NR3C2: variants seen among roughly 807,000 people sequenced by gnomAD.
The protein encoded by NR3C2 is mineralocorticoid receptor.
A neutral mutation model predicts 86.4 loss-of-function variants in NR3C2; 15 were observed. The observed-to-expected ratio is 0.17, with a 90% CI of 0.12 to 0.27. NR3C2 has a LOEUF of 0.27. Ranked by LOEUF, NR3C2 falls within the 10% of genes least tolerant of loss-of-function variation. The pLI, the probability that NR3C2 is intolerant of heterozygous loss-of-function variation, is 1.00. For missense variants in NR3C2, 960 were observed against 1,195.6 expected (o/e 0.80, Z 2.91); for synonymous variants, 458 against 450.5 (o/e 1.02, Z -0.21).
chr4:148,319,707 T>C (rs1192247124), intron 2 of NR3C2, among the ~76,000 whole-genome samples: 1 of 151,102 alleles, frequency 6.6e-6, no homozygotes, highest in Non-Finnish European at 1.5e-5. Flanking sequence ...AGAATGCTTG[T>C]GATTTTTGTA....
At chr4:148,231,796 T>C (rs574767968) in intron 3 of NR3C2, among the ~76,000 whole-genome samples, 22 of 152,372 alleles carry the variant, frequency 1.4e-4, no homozygotes, top group African/African-American at 4.6e-4. Flanking sequence ...ACCACTGCTG[T>C]GTCAACTAAG....
At chr4:148,204,291 C>T (rs1360628766) in intron 3 of NR3C2, among the ~76,000 whole-genome samples, 1 of 152,048 alleles carries the variant, frequency 6.6e-6, no homozygotes, top group Non-Finnish European at 1.5e-5. Flanking sequence ...GGAGGAGTGA[C>T]TTACATTTCT....
intron 2 of NR3C2, among the ~76,000 whole-genome samples, chr4:148,378,896 T>A (rs913523082): frequency 2.6e-5 from 4 of 152,164 alleles, no homozygotes; most frequent in African/African-American, 9.7e-5. Context: ...TGATTTAGAA[T>A]AAAGATTACA....
chr4:148,444,548 G>A, upstream of NR3C2: 1 of 987,862 alleles, frequency 1.0e-6, no homozygotes, highest in Non-Finnish European at 1.2e-6. Flanking sequence ...ATGGTGGGGA[G>A]GCTGGGGCGG....
chr4:148,213,139 T>G (rs1384477045), intron 3 of NR3C2, among the ~76,000 whole-genome samples: 4 of 25,310 alleles, frequency 1.6e-4, no homozygotes, highest in Non-Finnish European at 3.3e-4. Context: ...AATGATGGGT[T>G]TTTTTTTTTT....
intron 2 of NR3C2, among the ~76,000 whole-genome samples, chr4:148,420,636 T>C (rs376900942): frequency 1.3e-5 from 2 of 152,260 alleles, no homozygotes; most frequent in South Asian, 2.1e-4. Context: ...GTGACATAGT[T>C]TGGATCTCTG....
At chr4:148,332,211 A>T (rs1394816906) in intron 2 of NR3C2, among the ~76,000 whole-genome samples, 3 of 152,210 alleles carry the variant, frequency 2.0e-5, no homozygotes, top group Non-Finnish European at 4.4e-5. Flanking sequence ...TCAGAAAAAG[A>T]AATATGTTCA....
chr4:148,223,599 G>A (rs1172198517), intron 3 of NR3C2, among the ~76,000 whole-genome samples: 1 of 152,194 alleles, frequency 6.6e-6, no homozygotes, highest in African/African-American at 2.4e-5. Context: ...AATACCAACT[G>A]AGTAGTAGTA....
intron 2 of NR3C2, among the ~76,000 whole-genome samples, chr4:148,359,628 G>C (rs1745740833): frequency 6.6e-6 from 1 of 152,122 alleles, no homozygotes; most frequent in Non-Finnish European, 1.5e-5. Context: ...TTTTAAAAAA[G>C]GGGCTATGGT....
intron 2 of NR3C2, among the ~76,000 whole-genome samples, chr4:148,402,453 G>C (rs1007693228): frequency 6.6e-6 from 1 of 152,190 alleles, no homozygotes; most frequent in Non-Finnish European, 1.5e-5. Flanking sequence ...GGTATTTACT[G>C]AGTTTCAGGT....
In NR3C2 at chr4:148,410,988, G is replaced by A. The variant is rs180982573; in HGVS notation, c.1757+24116C>T. Among the ~76,000 whole-genome samples, 172 of 152,216 alleles carry A rather than the reference G, an allele frequency of 1.1e-3. No homozygotes were observed. In the East Asian group the frequency reaches 0.024, roughly 22 times the overall value. ...AACCTTAGATAATCTTCAGTACTCC[G>A]ACCTTCAACTCAATGTCATCTTATA... On this transcript the variant is annotated intron_variant, in intron 2 of 8. Coordinates refer to ENST00000358102, the MANE Select transcript of NR3C2 (RefSeq NM_000901.5).
chr4:148,210,059 C>G (rs949696471), intron 3 of NR3C2, among the ~76,000 whole-genome samples: 1 of 152,186 alleles, frequency 6.6e-6, no homozygotes, highest in African/African-American at 2.4e-5. Flanking sequence ...TCCATTCCCT[C>G]CTCTCCTGGG....
intron 2 of NR3C2, among the ~76,000 whole-genome samples, chr4:148,400,469 T>G (rs12711259): frequency 0.75 from 113,579 of 151,530 alleles, 42,693 homozygotes; most frequent in Middle Eastern, 0.84. Context: ...CATATATATA[T>G]AGAGAGTTTA....
chr4:148,276,656 G>A (rs1316357506), intron 2 of NR3C2, among the ~76,000 whole-genome samples: 1 of 152,110 alleles, frequency 6.6e-6, no homozygotes, highest in Non-Finnish European at 1.5e-5. Flanking sequence ...ATGAAAATAG[G>A]TAAGTATGGG....
At chr4:148,346,009 G>A (rs908539273) in intron 2 of NR3C2, among the ~76,000 whole-genome samples, 9 of 152,058 alleles carry the variant, frequency 5.9e-5, no homozygotes, top group Admixed American at 2.0e-4. Flanking sequence ...AATGAATGTT[G>A]CTACATAAGA....
At chr4:148,382,385 A>G (rs1268488980) in intron 2 of NR3C2, among the ~76,000 whole-genome samples, 2 of 152,194 alleles carry the variant, frequency 1.3e-5, no homozygotes, top group African/African-American at 4.8e-5. Context: ...AGCACTTACT[A>G]TGTAACAGCT....
At position 148,090,096 on chromosome 4, in the gene NR3C2, C is replaced by T. The variant is rs571402758; in HGVS notation, c.2800-8597G>A. Among the ~76,000 whole-genome samples, 18 of 152,274 alleles carry T rather than the reference C, an allele frequency of 1.2e-4. No individual in the cohort carries two copies. The South Asian group carries it at 3.1e-3, about 26-fold the overall frequency. On this transcript the variant is annotated intron_variant, in intron 8 of 8. Transcript: ENST00000358102. ...CCACAGAGGGTTTGGGGAGGGCCAG[C>T]GTCCTTTATCTACAACTCATCCTCA...
intron 2 of NR3C2, among the ~76,000 whole-genome samples, chr4:148,393,804 CT>C (rs1220180186): frequency 6.6e-6 from 1 of 152,164 alleles, no homozygotes; most frequent in African/African-American, 2.4e-5. Flanking sequence ...ATAATTTTCG[CT>C]TCTTGACTGG....
At chr4:148,354,965 A>G (rs947730036) in intron 2 of NR3C2, among the ~76,000 whole-genome samples, 1 of 152,144 alleles carries the variant, frequency 6.6e-6, no homozygotes, top group Non-Finnish European at 1.5e-5. Context: ...TGCCAATTTT[A>G]TGCTATTTAA....
Sources: allele counts gnomAD v4.1 joint callset (sites outside exome capture counted in the v4.1 genomes callset), GRCh38; gene constraint gnomAD v4.1.1; transcripts MANE v1.5; gene names NCBI Gene and HGNC (gene_info 2026-07-23, HGNC 2026-07-21).